The following CD109 variants were observed in gnomAD, a reference collection of about 807,000 sequenced individuals.
The protein encoded by CD109 is CD109 antigen.
Under a neutral mutation model 165.8 loss-of-function variants are expected in CD109, and 149 were observed. The observed-to-expected ratio is 0.90, with a 90% CI of 0.79 to 1.03. The LOEUF is 1.03. CD109 is among the 50% of genes least tolerant of loss of function. The pLI is 0.00. For synonymous variants in CD109, 585 were observed against 592.1 expected, an observed-to-expected ratio of 0.99 and a Z score of 0.18; for missense variants, 1,712 against 1,677.8, an observed-to-expected ratio of 1.02 and a Z score of -0.36.
In CD109 at chr6:73,824,560, T is replaced by C. The variant is rs955937531; in HGVS notation, c.*927T>C. 3.9e-5 allele frequency: 6 copies of C among 152,176 alleles called. No homozygotes were observed. The highest frequency in any genetic ancestry group is 1.3e-4 in the Admixed American group (2 of 15,274). 9.4% of individuals were successfully genotyped at this position (152,176 alleles called of 1,614,324 possible). A position where few individuals can be genotyped will look rare whatever the true frequency, so the allele number is the denominator to read the frequency against. ...CAGTTTGGGAAAGAAGCTGGGTTTGTGGAGAATCAGAGCATCTTGACATGA... is the reference window on the plus strand; with the variant it reads ...CAGTTTGGGAAAGAAGCTGGGTTTGCGGAGAATCAGAGCATCTTGACATGA... On this transcript the variant is annotated 3_prime_UTR_variant, in exon 33 of 33. Transcript: ENST00000287097.
In CD109 at chr6:73,756,677, AAT is replaced by A; in HGVS notation, c.671_672del (p.Tyr224CysfsTer6). 6.5e-7 allele frequency: 1 copy of A among 1,548,710 alleles called. No homozygotes were observed. The highest frequency in any genetic ancestry group is 2.4e-5 in the East Asian group (1 of 41,982). ...TACTATCAATCATTTCAGGTTTCAG[AAT>A]ATGGTAAGAGTTCCTCAATCTATTT... On this transcript the variant is annotated frameshift_variant, in exon 6 of 33. Transcript: ENST00000287097. LOFTEE classifies it high-confidence loss of function.
At chr6:73,708,059 T>A (rs1478225084) in intron 2 of CD109, among the ~76,000 whole-genome samples, 1 of 149,756 alleles carries the variant, frequency 6.7e-6, no homozygotes, top group Admixed American at 6.7e-5. Flanking sequence ...GCAGGTTTGT[T>A]ACATATGTAT....
Position 73,787,392 on chromosome 6 carries a change from C to G in CD109, c.2496C>G (p.Ile832Met), listed in dbSNP as rs184611620. ...IRPTHLGEIP[I>M]TVTALSPTAS... The stretch of plus-strand genomic sequence containing the variant: ...CAACACATCTGGGAGAAATTCCTAT[C>G]ACAGTCACAGCTCTTTCACCCACTG... Residue 832 changes from isoleucine to methionine, a missense_variant, in exon 21 of 33, where the codon ATC becomes ATG. Coordinates refer to ENST00000287097, the MANE Select transcript of CD109 (RefSeq NM_133493.5). 1.2e-5 allele frequency: 20 copies of G among 1,614,082 alleles called. No homozygotes were observed. In the Admixed American group the frequency reaches 2.8e-4, roughly 23 times the overall value.
At chr6:73,770,736 G>C (rs1467683433) in intron 14 of CD109, among the ~76,000 whole-genome samples, 1 of 152,118 alleles carries the variant, frequency 6.6e-6, no homozygotes, top group Non-Finnish European at 1.5e-5. Context: ...CAACAAGAGG[G>C]AAACTCCATC....
At chr6:73,769,717 A>G (rs1487291624) in intron 14 of CD109, among the ~76,000 whole-genome samples, 1 of 152,258 alleles carries the variant, frequency 6.6e-6, no homozygotes, top group East Asian at 1.9e-4. Context: ...TTTAGAAATC[A>G]TCCACACAGA....
rs61670174 is a variant in CD109, at chr6:73,766,535, G to GTATATA, written c.1333-210_1333-205dup. Among the ~76,000 whole-genome samples the GTATATA allele has an allele frequency of 5.1e-4, 75 of 146,704 alleles. 1 individual carries two copies. Among genetic ancestry groups the GTATATA allele is most frequent in the African/African-American group, 1.8e-3 (70 of 39,960 alleles). On this transcript the variant is annotated intron_variant, in intron 11 of 32. Coordinates refer to ENST00000287097, the MANE Select transcript of CD109 (RefSeq NM_133493.5). Reference sequence around the variant, plus strand: ...TATATGTATATGTATATGTGTGTGTGTATATATATATATATATATTCCTTT... The same window carrying GTATATA: ...TATATGTATATGTATATGTGTGTGTGTATATATATATATATATATATATATTCCTTT...
At chr6:73,752,161 C>T (rs780959409) in intron 5 of CD109, among the ~76,000 whole-genome samples, 3 of 152,128 alleles carry the variant, frequency 2.0e-5, no homozygotes, top group Non-Finnish European at 4.4e-5. Context: ...CAACCAGCAC[C>T]TTAGTTTTGA....
chr6:73,709,916 A>T (rs1298244626), intron 2 of CD109, among the ~76,000 whole-genome samples: 12 of 152,208 alleles, frequency 7.9e-5, no homozygotes, highest in Non-Finnish European at 1.3e-4. Flanking sequence ...AACTCTCAAT[A>T]AATTAGGTAT....
chr6:73,736,836 G>T (rs1433959345), intron 5 of CD109, among the ~76,000 whole-genome samples: 1 of 151,964 alleles, frequency 6.6e-6, no homozygotes, highest in Non-Finnish European at 1.5e-5. Context: ...CTATTATTTG[G>T]CAAATTTTAT....
chr6:73,741,715 A>C (rs1214306545), intron 5 of CD109, among the ~76,000 whole-genome samples: 1 of 152,172 alleles, frequency 6.6e-6, no homozygotes, highest in Non-Finnish European at 1.5e-5. Flanking sequence ...TCTGTTGACC[A>C]GTCTGGAGTG....
intron 12 of CD109, 34 bp from the exon 13 acceptor site, chr6:73,766,914 T>A (rs1773875031): frequency 6.2e-7 from 1 of 1,610,872 alleles, no homozygotes; most frequent in Non-Finnish European, 8.5e-7. Context: ...ATCTTGCTTT[T>A]GATATGTACA....
At chr6:73,711,967 C>T (rs1771554834) in intron 2 of CD109, among the ~76,000 whole-genome samples, 1 of 152,100 alleles carries the variant, frequency 6.6e-6, no homozygotes, top group African/African-American at 2.4e-5. Flanking sequence ...ATGTTGTATC[C>T]ATTAAGTCAT....
intron 23 of CD109, among the ~76,000 whole-genome samples, chr6:73,800,989 A>AT (rs996658110): frequency 1.3e-5 from 2 of 152,150 alleles, no homozygotes; most frequent in Admixed American, 1.3e-4. Context: ...AAATGCATCA[A>AT]TTTTTTTATT....
chr6:73,747,349 T>A (rs78760854), intron 5 of CD109, among the ~76,000 whole-genome samples: 6,710 of 152,234 alleles, frequency 0.044, 524 homozygotes, highest in African/African-American at 0.15. Context: ...TAAAAAAAAA[T>A]GTCTGATCTC....
At chr6:73,746,689 C>T (rs901077701) in intron 5 of CD109, among the ~76,000 whole-genome samples, 1 of 151,700 alleles carries the variant, frequency 6.6e-6, no homozygotes, top group Non-Finnish European at 1.5e-5. Context: ...TATGAATGTG[C>T]TTGTGATCCC....
In CD109 at chr6:73,807,033, C is replaced by T; in HGVS notation, c.3150C>T (p.Ala1050=). ...ATAAAAGTCCAGTAACACTTACAGC[C>T]TATATTGTAACTTCTCTCCTGGGAT... The part of the protein sequence containing the change: ...GGNKSPVTLT[A]YIVTSLLGYR... Residue 1050 remains alanine (A), a synonymous_variant, in exon 25 of 33, where the codon GCC becomes GCT. Coordinates refer to ENST00000287097, the MANE Select transcript of CD109 (RefSeq NM_133493.5). 1 of 1,613,604 alleles carries T rather than the reference C, an allele frequency of 6.2e-7. No homozygotes were observed. The highest frequency in any genetic ancestry group is 2.2e-5 in the East Asian group (1 of 44,842).
chr6:73,771,944 A>G (rs1237546756), intron 15 of CD109, among the ~76,000 whole-genome samples: 1 of 152,212 alleles, frequency 6.6e-6, no homozygotes, highest in Non-Finnish European at 1.5e-5. Flanking sequence ...AATGATCAGT[A>G]TGTAGTATGC....
chr6:73,813,560 A>G (rs1775826241), intron 29 of CD109, among the ~76,000 whole-genome samples: 1 of 152,166 alleles, frequency 6.6e-6, no homozygotes, highest in African/African-American at 2.4e-5. Context: ...AAAAAATTAC[A>G]AAGAAGTTGG....
At chr6:73,795,501 G>A (rs554992246) in intron 23 of CD109, among the ~76,000 whole-genome samples, 1 of 152,254 alleles carries the variant, frequency 6.6e-6, no homozygotes, top group South Asian at 2.1e-4. Flanking sequence ...GGCCAGGTAG[G>A]TGGCCAAACT....
Sources: gnomAD v4.1 joint callset for allele counts (sites outside exome capture counted in the v4.1 genomes callset) on GRCh38, gnomAD v4.1.1 for gene constraint, MANE v1.5 for transcripts, NCBI Gene and HGNC (gene_info 2026-07-23, HGNC 2026-07-21) for gene names.